Variants in SGCZ observed in about 807,000 individuals in gnomAD.
The protein encoded by SGCZ is zeta-sarcoglycan.
In SGCZ, 40 loss-of-function variants were observed where a neutral mutation model predicts 41.3. That is an observed-to-expected ratio of 0.97 (90% CI 0.75 to 1.26). SGCZ has a LOEUF of 1.26. Ranked by LOEUF, SGCZ falls within the 50% of genes most tolerant of loss-of-function variation. The pLI is 0.00. For synonymous variants in SGCZ, 206 were observed against 137.5 expected (o/e 1.50, Z -3.49); for missense variants, 552 against 369.8 (o/e 1.49, Z -4.04).
rs777272449 is a variant in SGCZ, at chr8:14,964,510, T to A, written c.39+273075A>T. ...AAGATTGTGATTTGCATGCAGGAAT[T>A]TCATTAGCGCAAACTCTCAGGATCA... On this transcript the variant is annotated intron_variant, in intron 1 of 7. Coordinates refer to ENST00000382080, the MANE Select transcript of SGCZ (RefSeq NM_139167.4). Among the ~76,000 whole-genome samples, 12 of 152,270 alleles carry A rather than the reference T, an allele frequency of 7.9e-5. No homozygotes were observed. In the South Asian group the frequency reaches 2.1e-3, roughly 26 times the overall value.
At chr8:14,762,326 A>C (rs1057356075) in intron 1 of SGCZ, among the ~76,000 whole-genome samples, 1 of 152,162 alleles carries the variant, frequency 6.6e-6, no homozygotes, top group Admixed American at 6.5e-5. Context: ...AAAATGAGAC[A>C]GAAAGGACAT....
chr8:14,154,552 T>G (rs571215117), intron 5 of SGCZ, among the ~76,000 whole-genome samples: 1 of 152,336 alleles, frequency 6.6e-6, no homozygotes, highest in Non-Finnish European at 1.5e-5. Context: ...AAATTTTATT[T>G]TTGTTTGAAA....
chr8:14,271,325 A>T (rs1414359806), intron 3 of SGCZ, among the ~76,000 whole-genome samples: 3 of 152,198 alleles, frequency 2.0e-5, no homozygotes, highest in African/African-American at 4.8e-5. Context: ...CAGCCTAAAA[A>T]CTTTAGATGA....
chr8:14,566,959 G>C (rs556583291), intron 1 of SGCZ, among the ~76,000 whole-genome samples: 2 of 152,316 alleles, frequency 1.3e-5, no homozygotes, highest in African/African-American at 4.8e-5. Context: ...CACCGGCCCC[G>C]GGCAGTGAAG....
chr8:14,876,433 T>G (rs570479531), intron 1 of SGCZ, among the ~76,000 whole-genome samples: 5 of 152,298 alleles, frequency 3.3e-5, no homozygotes, highest in African/African-American at 7.2e-5. Flanking sequence ...ACTTTCATTT[T>G]CAGAAACTAG....
chr8:14,927,234 G>A (rs1799783747), intron 1 of SGCZ, among the ~76,000 whole-genome samples: 1 of 150,746 alleles, frequency 6.6e-6, no homozygotes, highest in African/African-American at 2.4e-5. Context: ...TCACCCTCCG[G>A]AGCAGCTGGG....
intron 1 of SGCZ, among the ~76,000 whole-genome samples, chr8:15,030,153 C>T (rs760879377): frequency 4.6e-5 from 7 of 151,992 alleles, no homozygotes; most frequent in Admixed American, 3.9e-4. Flanking sequence ...GAAAGCAGCA[C>T]AGGAATTGGA....
At chr8:14,251,817 G>A (rs2117208324) in intron 3 of SGCZ, among the ~76,000 whole-genome samples, 1 of 152,218 alleles carries the variant, frequency 6.6e-6, no homozygotes, top group South Asian at 2.1e-4. Flanking sequence ...CCGGGTTCAA[G>A]TGGTTCTCCT....
At chr8:14,827,900 T>C (rs1441877745) in intron 1 of SGCZ, among the ~76,000 whole-genome samples, 1 of 152,118 alleles carries the variant, frequency 6.6e-6, no homozygotes, top group Non-Finnish European at 1.5e-5. Flanking sequence ...TAACCTGTAT[T>C]GAATATACAA....
chr8:14,975,160 G>C (rs1416671625), intron 1 of SGCZ, among the ~76,000 whole-genome samples: 1 of 152,112 alleles, frequency 6.6e-6, no homozygotes, highest in African/African-American at 2.4e-5. Context: ...CAAAAGATTA[G>C]CCAGGTGTGG....
intron 1 of SGCZ, among the ~76,000 whole-genome samples, chr8:14,670,384 C>T (rs1808064634): frequency 6.6e-6 from 1 of 152,086 alleles, no homozygotes; most frequent in South Asian, 2.1e-4. Context: ...TTCTGAATTG[C>T]ATATTATTGC....
chr8:15,006,402 T>C (rs1029053053), intron 1 of SGCZ, among the ~76,000 whole-genome samples: 1 of 152,146 alleles, frequency 6.6e-6, no homozygotes, highest in Non-Finnish European at 1.5e-5. Context: ...TAGCTGGATT[T>C]AGAAAAGGAT....
At chr8:14,288,690 A>T (rs1393847729) in intron 3 of SGCZ, among the ~76,000 whole-genome samples, 1 of 152,080 alleles carries the variant, frequency 6.6e-6, no homozygotes, top group African/African-American at 2.4e-5. Context: ...CCACTGATGG[A>T]CATTTTAGTT....
intron 3 of SGCZ, among the ~76,000 whole-genome samples, chr8:14,301,363 T>G (rs1801180268): frequency 7.1e-6 from 1 of 141,190 alleles, no homozygotes; most frequent in Non-Finnish European, 1.6e-5. Context: ...TCAGTAGTGA[T>G]TCAAATCACA....
rs570875839 is a variant in SGCZ at position 14,595,760 on chromosome 8, A to G, written c.40-40834T>C. On this transcript the variant is annotated intron_variant, in intron 1 of 7. Transcript: ENST00000382080. ...AATTAAACAACAAATTCTTTCCATA[A>G]TAGCTTACAGGGAAAACACGGGTGC... Among the ~76,000 whole-genome samples, 368 of 152,306 alleles carry G rather than the reference A, an allele frequency of 2.4e-3. 1 individual carries two copies. The highest frequency in any genetic ancestry group is 8.1e-3 in the African/African-American group (337 of 41,558).
In SGCZ at chr8:14,778,888, C is replaced by T. The variant is rs370277495; in HGVS notation, c.40-223962G>A. On this transcript the variant is annotated intron_variant, in intron 1 of 7. Coordinates refer to ENST00000382080, the MANE Select transcript of SGCZ (RefSeq NM_139167.4). ...GCATTCCTGGAGTGTAAAGTTATATCGCCATTCGTGAAAACACATTAGGAA... is the reference window on the plus strand; with the variant it reads ...GCATTCCTGGAGTGTAAAGTTATATTGCCATTCGTGAAAACACATTAGGAA... Among the ~76,000 whole-genome samples the T allele has an allele frequency of 3.9e-5, 6 of 152,262 alleles. 1 individual carries two copies. Among genetic ancestry groups the T allele is most frequent in the African/African-American group, 1.2e-4 (5 of 41,570 alleles).
intron 1 of SGCZ, among the ~76,000 whole-genome samples, chr8:14,906,748 G>A (rs1338528518): frequency 6.6e-6 from 1 of 152,112 alleles, no homozygotes; most frequent in African/African-American, 2.4e-5. Context: ...GAAATCAACT[G>A]GAGACCAACA....
chr8:14,922,427 A>C (rs1585381555), intron 1 of SGCZ, among the ~76,000 whole-genome samples: 1 of 152,078 alleles, frequency 6.6e-6, no homozygotes, highest in Non-Finnish European at 1.5e-5. Flanking sequence ...AATATGGGCT[A>C]CCTAATTTTT....
intron 1 of SGCZ, among the ~76,000 whole-genome samples, chr8:14,912,791 T>A (rs1326288009): frequency 2.0e-5 from 3 of 152,050 alleles, no homozygotes; most frequent in African/African-American, 7.2e-5. Context: ...AAATGAAACT[T>A]TGAGTTAAAC....
Sources: gnomAD v4.1 joint callset for allele counts (sites outside exome capture counted in the v4.1 genomes callset) on GRCh38, gnomAD v4.1.1 for gene constraint, MANE v1.5 for transcripts, NCBI Gene and HGNC (gene_info 2026-07-23, HGNC 2026-07-21) for gene names.